The following CCDC170 variants were observed in gnomAD, a reference collection of about 807,000 sequenced individuals.
CCDC170 encodes coiled-coil domain-containing protein 170.
In CCDC170, 69 loss-of-function variants were observed where a neutral mutation model predicts 72.6. The ratio of observed to expected loss-of-function variants is 0.95; its 90% CI spans 0.78 to 1.16. CCDC170 has a LOEUF of 1.16. Among genes scored for constraint, CCDC170 ranks in the 50% most tolerant of loss-of-function variants. The pLI is 0.00. For synonymous variants in CCDC170, 300 were observed against 303.9 expected (o/e 0.99, Z 0.13); for missense variants, 852 against 832.5 (o/e 1.02, Z -0.29).
intron 9 of CCDC170, among the ~76,000 whole-genome samples, chr6:151,599,828 G>A (rs78758140): frequency 0.057 from 8,737 of 152,234 alleles, 310 homozygotes; most frequent in South Asian, 0.096. Flanking sequence ...TCAGATTTCA[G>A]GGATGAAAGA....
rs933079925 is a variant in CCDC170 at position 151,565,167 on chromosome 6, T to C, written c.775-8007T>C. The stretch of plus-strand genomic sequence containing the variant: ...TGAAGCAGCAGCTGCAGGTGGGGTA[T>C]GGCAGTGGGGCTCCTGGGATGTGGA... On this transcript the variant is annotated intron_variant, in intron 5 of 10. Coordinates refer to ENST00000239374, the MANE Select transcript of CCDC170 (RefSeq NM_025059.4). Among the ~76,000 whole-genome samples the C allele has an allele frequency of 2.0e-5, 3 of 152,088 alleles. No homozygotes were observed. In the East Asian group the frequency reaches 5.8e-4, roughly 29 times the overall value.
At chr6:151,564,582 T>C (rs1005929669) in intron 5 of CCDC170, among the ~76,000 whole-genome samples, 1 of 152,196 alleles carries the variant, frequency 6.6e-6, no homozygotes, top group Admixed American at 6.5e-5. Context: ...TCAAGCTGTC[T>C]GTGCTGGTGT....
intron 5 of CCDC170, among the ~76,000 whole-genome samples, chr6:151,565,676 C>T (rs181917244): frequency 1.3e-5 from 2 of 152,270 alleles, no homozygotes; most frequent in East Asian, 1.9e-4. Context: ...GAAGCCCTGC[C>T]CCTTGAGAAC....
At chr6:151,531,769 A>T (rs1782493920) in intron 1 of CCDC170, among the ~76,000 whole-genome samples, 1 of 152,196 alleles carries the variant, frequency 6.6e-6, no homozygotes. Flanking sequence ...ATCATGGCAG[A>T]AGGGGAAGAA....
chr6:151,515,105 G>A (rs1011885877), intron 1 of CCDC170, among the ~76,000 whole-genome samples: 1 of 152,212 alleles, frequency 6.6e-6, no homozygotes, highest in Admixed American at 6.5e-5. Flanking sequence ...TATTATAAAG[G>A]ATTGGCTGAA....
chr6:151,543,839 T>C (rs1782732236), intron 3 of CCDC170, among the ~76,000 whole-genome samples: 1 of 152,206 alleles, frequency 6.6e-6, no homozygotes, highest in Admixed American at 6.5e-5. Flanking sequence ...CCGATGTGTA[T>C]ATATCATATT....
At chr6:151,552,215 A>G (rs1032674897) in intron 5 of CCDC170, among the ~76,000 whole-genome samples, 4 of 152,126 alleles carry the variant, frequency 2.6e-5, no homozygotes, top group Non-Finnish European at 4.4e-5. Context: ...ATTATGTATT[A>G]TATTTCACAT....
At chr6:151,513,345 C>T (rs1050223670) in intron 1 of CCDC170, among the ~76,000 whole-genome samples, 18 of 152,158 alleles carry the variant, frequency 1.2e-4, no homozygotes, top group Non-Finnish European at 1.9e-4. Flanking sequence ...GATGGTGGCT[C>T]ACGCCTGTAA....
chr6:151,497,613 G>T (rs917503279), intron 1 of CCDC170, among the ~76,000 whole-genome samples: 2 of 152,082 alleles, frequency 1.3e-5, no homozygotes, highest in African/African-American at 4.8e-5. Flanking sequence ...GATATGCTTT[G>T]GGGGAAGTTT....
rs368828356 is a variant in CCDC170, at chr6:151,533,636, T to C, written c.58-2682T>C. ...GAGCCGAGATTGTGCCATTGCACTC[T>C]AGCCTGGGCAACAAGAGCGAAACTC... On this transcript the variant is annotated intron_variant, in intron 1 of 10. Coordinates refer to ENST00000239374, the MANE Select transcript of CCDC170 (RefSeq NM_025059.4). Among the ~76,000 whole-genome samples, 65 of 149,176 alleles carry C rather than the reference T, an allele frequency of 4.4e-4. No individual in the cohort carries two copies. In the South Asian group the frequency reaches 0.013, roughly 30 times the overall value.
At chr6:151,567,153 A>C (rs1267113021) in intron 5 of CCDC170, among the ~76,000 whole-genome samples, 1 of 152,128 alleles carries the variant, frequency 6.6e-6, no homozygotes, top group East Asian at 1.9e-4. Flanking sequence ...TCCGGACCTC[A>C]GGTGATCAGC....
chr6:151,612,328 A>G (rs1393010520), intron 9 of CCDC170, among the ~76,000 whole-genome samples: 3 of 152,224 alleles, frequency 2.0e-5, no homozygotes, highest in African/African-American at 7.2e-5. Flanking sequence ...TAGTCTCCAC[A>G]TGTCATCAAC....
At chr6:151,559,851 A>G (rs1184579672) in intron 5 of CCDC170, among the ~76,000 whole-genome samples, 1 of 152,034 alleles carries the variant, frequency 6.6e-6, no homozygotes, top group Non-Finnish European at 1.5e-5. Flanking sequence ...TTCTTAGTTA[A>G]CTTGGCTAGT....
chr6:151,494,488 G>T (rs1188411171), intron 1 of CCDC170, among the ~76,000 whole-genome samples: 1 of 152,184 alleles, frequency 6.6e-6, no homozygotes, highest in Non-Finnish European at 1.5e-5. Context: ...GCCACCCCTG[G>T]GAGCAAAGAA....
At chr6:151,600,988 A>ATAATT (rs1776698944) in intron 9 of CCDC170, among the ~76,000 whole-genome samples, 1 of 152,168 alleles carries the variant, frequency 6.6e-6, no homozygotes, top group Non-Finnish European at 1.5e-5. Flanking sequence ...ATGGAACCAT[A>ATAATT]TAATACGTGG....
At chr6:151,573,068 C>A in intron 5 of CCDC170, 106 bp from the exon 6 acceptor site, 2 of 979,016 alleles carry the variant, frequency 2.0e-6, no homozygotes, top group South Asian at 1.6e-5. Flanking sequence ...TTAACCCAAC[C>A]CCTTGTAGTC....
Position 151,588,082 on chromosome 6 carries a change from G to A in CCDC170, c.1293+1993G>A, listed in dbSNP as rs151053884. 2.2e-3 allele frequency among the ~76,000 whole-genome samples: 332 copies of A among 152,288 alleles called. 4 individuals are homozygous for A. The highest frequency in any genetic ancestry group is 7.9e-3 in the African/African-American group (327 of 41,556). ...GAGATGGCACTGGAGGCAGCTATAG[G>A]AATGATCGAGATGGGTCAGTCTAAT... On this transcript the variant is annotated intron_variant, in intron 7 of 10. Transcript: ENST00000239374.
intron 1 of CCDC170, among the ~76,000 whole-genome samples, chr6:151,500,383 CAGAA>C (rs1582998954): frequency 6.6e-6 from 1 of 150,424 alleles, no homozygotes; most frequent in Non-Finnish European, 1.5e-5. Flanking sequence ...GAAAAAGAAA[CAGAA>C]GGAATAGGGA....
At chr6:151,538,439 C>G (rs1782628812) in intron 3 of CCDC170, 138 bp downstream of exon 3, 2 of 865,998 alleles carry the variant, frequency 2.3e-6, no homozygotes, top group Non-Finnish European at 3.5e-6. Context: ...TTATTGACCT[C>G]AAATATCTTT....
Sources: allele counts gnomAD v4.1 joint callset (sites outside exome capture counted in the v4.1 genomes callset), GRCh38; gene constraint gnomAD v4.1.1; transcripts MANE v1.5; gene names NCBI Gene and HGNC (gene_info 2026-07-23, HGNC 2026-07-21).